Variants in CLMP observed in about 807,000 individuals in gnomAD.
CLMP encodes the protein CXADR-like membrane protein.
A neutral mutation model predicts 45.2 loss-of-function variants in CLMP; 27 were observed. The observed-to-expected ratio is 0.60, with a 90% confidence interval of 0.44 to 0.82. The LOEUF is 0.82. CLMP is among the 40% of genes least tolerant of loss of function. CLMP has a pLI of 0.00. For synonymous variants in CLMP, 167 were observed against 171.4 expected, an observed-to-expected ratio of 0.97 and a Z score of 0.20; for missense variants, 403 against 448.4, an observed-to-expected ratio of 0.90 and a Z score of 0.91.
intron 5 of CLMP, among the ~76,000 whole-genome samples, chr11:123,080,484 C>T (rs1002419647): frequency 4.6e-5 from 7 of 152,092 alleles, no homozygotes; most frequent in Non-Finnish European, 8.8e-5. Context: ...TGTGCCACCA[C>T]GCCCAGCTAA....
At chr11:123,089,796 A>AGG (rs1418542194) in intron 2 of CLMP, among the ~76,000 whole-genome samples, 1 of 100,494 alleles carries the variant, frequency 1.0e-5, no homozygotes, top group African/African-American at 4.0e-5. Flanking sequence ...AAAAAAAAGA[A>AGG]AAAGAAAAAG....
intron 1 of CLMP, among the ~76,000 whole-genome samples, chr11:123,120,963 A>G (rs1435782579): frequency 6.6e-6 from 1 of 151,876 alleles, no homozygotes; most frequent in Non-Finnish European, 1.5e-5. Flanking sequence ...CCTCTCTACT[A>G]AAACTACAAA....
intron 1 of CLMP, among the ~76,000 whole-genome samples, chr11:123,150,402 A>AGAAG (rs1183038267): frequency 1.4e-5 from 2 of 144,402 alleles, no homozygotes; most frequent in African/African-American, 2.6e-5. Flanking sequence ...GATGAACAAA[A>AGAAG]GAAGGAAGGA....
chr11:123,190,729 A>G (rs1861897510), intron 1 of CLMP, among the ~76,000 whole-genome samples: 1 of 152,212 alleles, frequency 6.6e-6, no homozygotes, highest in Non-Finnish European at 1.5e-5. Flanking sequence ...CTGATTTTTC[A>G]GGCAATTTCT....
intron 5 of CLMP, among the ~76,000 whole-genome samples, chr11:123,082,241 C>T (rs1591449981): frequency 1.3e-5 from 2 of 152,308 alleles, no homozygotes; most frequent in South Asian, 4.1e-4. Context: ...ATTTAGTACT[C>T]CCCTGGATAT....
intron 1 of CLMP, among the ~76,000 whole-genome samples, chr11:123,102,703 G>A (rs1365187039): frequency 8.0e-6 from 1 of 124,956 alleles, no homozygotes; most frequent in Non-Finnish European, 1.6e-5. Context: ...AGCCTCCCGA[G>A]TAGCTTTTTT....
chr11:123,150,832 T>C (rs1156445449), intron 1 of CLMP, among the ~76,000 whole-genome samples: 1 of 152,182 alleles, frequency 6.6e-6, no homozygotes, highest in Non-Finnish European at 1.5e-5. Context: ...GTCTCATACC[T>C]CAGCCTCTCG....
At chr11:123,082,616 T>TG (rs1456281228) in intron 5 of CLMP, among the ~76,000 whole-genome samples, 1 of 120,006 alleles carries the variant, frequency 8.3e-6, no homozygotes, top group African/African-American at 3.2e-5. Flanking sequence ...TTTTTGTGTG[T>TG]GTTTTTTTTT....
At chr11:123,075,342 T>C (rs1865725209) in intron 5 of CLMP, among the ~76,000 whole-genome samples, 1 of 152,118 alleles carries the variant, frequency 6.6e-6, no homozygotes, top group African/African-American at 2.4e-5. Flanking sequence ...GCAGTTGTAG[T>C]TACTGAATCA....
intron 1 of CLMP, among the ~76,000 whole-genome samples, chr11:123,193,879 C>T (rs1861941723): frequency 6.6e-6 from 1 of 152,186 alleles, no homozygotes; most frequent in African/African-American, 2.4e-5. Flanking sequence ...CCAGGACCAG[C>T]TCTCCCGTGG....
chr11:123,110,503 C>T (rs1860623401), intron 1 of CLMP, among the ~76,000 whole-genome samples: 1 of 151,790 alleles, frequency 6.6e-6, no homozygotes, highest in African/African-American at 2.4e-5. Flanking sequence ...CTTGTAATCC[C>T]AGCTACTAGG....
At chr11:123,189,376 C>G (rs1861876250) in intron 1 of CLMP, among the ~76,000 whole-genome samples, 1 of 152,164 alleles carries the variant, frequency 6.6e-6, no homozygotes. Context: ...GCAGTGTATT[C>G]TAGAGAAAGA....
chr11:123,073,725 A>C lies in CLMP; in HGVS notation c.871T>G (p.Ser291Ala). The stretch of plus-strand genomic sequence containing the variant: ...GAGCGTGAGCTCCGAGAGCCTGAGG[A>C]AGAGGAGCTGGGTTTCACAAGACGG... ...KARLVKPSSS[S>A]SGSRSSRSGS... Residue 291 changes from serine (S) to alanine (A), a missense_variant, in exon 7 of 7, where the codon TCC becomes GCC. Coordinates refer to ENST00000448775, the MANE Select transcript of CLMP (RefSeq NM_024769.5). 2 of 1,613,050 alleles carry C rather than the reference A, an allele frequency of 1.2e-6. No homozygotes were observed. Among genetic ancestry groups the C allele is most frequent in the South Asian group, 2.2e-5 (2 of 90,976 alleles).
chr11:123,172,567 A>T lies in CLMP; in HGVS notation c.28+22346T>A, dbSNP rs143291719. Among the ~76,000 whole-genome samples, 26 of 152,248 alleles carry T rather than the reference A, an allele frequency of 1.7e-4. No individual in the cohort carries two copies. In the East Asian group the frequency reaches 5.0e-3, roughly 29 times the overall value. On this transcript the variant is annotated intron_variant, in intron 1 of 6. Transcript: ENST00000448775. ...CACCACCTTGGCTCACTGCAGCCTC[A>T]ACCTCTTGAGCTCAGGTGATCCTCC...
At chr11:123,189,009 T>C (rs1363705006) in intron 1 of CLMP, 1 of 152,228 alleles carries the variant, frequency 6.6e-6, no homozygotes, top group Non-Finnish European at 1.5e-5. Context: ...AGCTCATGCA[T>C]CTGACCCCAA....
At chr11:123,129,624 TATA>T (rs1324062792) in intron 1 of CLMP, among the ~76,000 whole-genome samples, 4 of 141,710 alleles carry the variant, frequency 2.8e-5, no homozygotes, top group Non-Finnish European at 4.5e-5. Context: ...ATTTATATAA[TATA>T]ATATATATTA....
intron 1 of CLMP, chr11:123,136,218 C>T: frequency 1.5e-6 from 1 of 646,988 alleles, no homozygotes; most frequent in Non-Finnish European, 3.0e-6. Context: ...GGAACACCAC[C>T]CATTACAATC....
intron 1 of CLMP, among the ~76,000 whole-genome samples, chr11:123,159,288 C>T (rs888841523): frequency 5.3e-5 from 8 of 152,196 alleles, no homozygotes; most frequent in Non-Finnish European, 8.8e-5. Context: ...TAGTAGATTA[C>T]GGAATTAGTC....
At chr11:123,192,654 C>A (rs984260210) in intron 1 of CLMP, among the ~76,000 whole-genome samples, 1 of 152,162 alleles carries the variant, frequency 6.6e-6, no homozygotes, top group Non-Finnish European at 1.5e-5. Context: ...CAGAGCACTT[C>A]TTATTCATTC....
Sources: gnomAD v4.1 joint callset for allele counts (sites outside exome capture counted in the v4.1 genomes callset) on GRCh38, gnomAD v4.1.1 for gene constraint, MANE v1.5 for transcripts, NCBI Gene and HGNC (gene_info 2026-07-23, HGNC 2026-07-21) for gene names.